Variants in TBC1D28 observed in about 807,000 individuals in gnomAD.
The protein encoded by TBC1D28 is TBC1 domain family member 28.
In TBC1D28, 20 loss-of-function variants were observed where a neutral mutation model predicts 29.2. The ratio of observed to expected loss-of-function variants is 0.68; its 90% CI spans 0.48 to 0.99. The LOEUF (loss-of-function observed/expected upper bound fraction) is 0.99. Among genes scored for constraint, TBC1D28 ranks in the 50% least tolerant of loss-of-function variants. The pLI is 0.00. For synonymous variants in TBC1D28, 65 were observed against 90.9 expected, an observed-to-expected ratio of 0.71 and a Z score of 1.62; for missense variants, 205 against 243.7, an observed-to-expected ratio of 0.84 and a Z score of 1.06.
chr17:18,640,222 A>T, intron 4 of TBC1D28, among the ~76,000 whole-genome samples: 1 of 151,418 alleles, frequency 6.6e-6, no homozygotes, highest in Non-Finnish European at 1.5e-5. Flanking sequence ...AAGTTCCCCC[A>T]CTGAGGGGTC....
downstream of TBC1D28, chr17:18,634,949 G>C (rs1360618775): frequency 6.4e-6 from 1 of 155,508 alleles, no homozygotes; most frequent in African/African-American, 2.4e-5. Flanking sequence ...GCTGCCCAGC[G>C]GGCTCCAGCG....
exon 1 of TBC1D28, chr17:18,642,371 C>T (rs184180835): frequency 0.011 from 1,633 of 152,234 alleles, 12 homozygotes; most frequent in Non-Finnish European, 0.015. Flanking sequence ...TCACCCTCCA[C>T]CCCACCCACA....
rs549808336 is a variant in TBC1D28, at chr17:18,638,759, T to C, written c.199-58A>G. On this transcript the variant is annotated intron_variant, in intron 5 of 8. Coordinates refer to ENST00000345096, the Ensembl canonical transcript of TBC1D28. ...CTGTCAGTCGTCTGACAGTGGCCCG[T>C]GGATGCTGGGTCCAGGGCTTTGGGG... is the stretch of plus-strand genomic sequence containing the variant. 4.3e-5 allele frequency: 69 copies of C among 1,612,152 alleles called. No homozygotes were observed. In the African/African-American group the frequency reaches 6.5e-4, roughly 15 times the overall value.
intron 4 of TBC1D28, 94 bp downstream of exon 5, chr17:18,640,928 G>A: frequency 2.5e-6 from 1 of 406,094 alleles, no homozygotes; most frequent in Non-Finnish European, 4.2e-6. Context: ...GCCCAGCCAG[G>A]GAGACATGTC....
upstream of TBC1D28, among the ~76,000 whole-genome samples, chr17:18,643,765 T>C (rs1168005805): frequency 6.6e-6 from 1 of 152,234 alleles, no homozygotes; most frequent in East Asian, 1.9e-4. Flanking sequence ...GAGGGCTCCC[T>C]ACTCCCAGAC....
At chr17:18,641,353 C>T (rs764992623) in exon 3 of TBC1D28, 2 of 1,613,922 alleles carry the variant, frequency 1.2e-6, no homozygotes, top group South Asian at 1.1e-5. Flanking sequence ...CCATCTCCAT[C>T]CTGCAAGACA....
In TBC1D28 at chr17:18,638,437, A is replaced by C. The variant is rs1193336514; in HGVS notation, c.280-17T>G. The C allele has an allele frequency of 1.2e-6, 2 of 1,613,750 alleles. No homozygotes were observed. On this transcript the variant is annotated splice_polypyrimidine_tract_variant and intron_variant, in intron 6 of 8. Transcript: ENST00000345096. Reference sequence around the variant, plus strand: ...TTGAGACAGCTACAGACAGAAGAACACTCCAGTGAGAAAGGACATGGGGCA... The same window carrying C: ...TTGAGACAGCTACAGACAGAAGAACCCTCCAGTGAGAAAGGACATGGGGCA...
At chr17:18,643,073 C>T (rs2031841279), upstream of TBC1D28, 1 of 152,256 alleles carries the variant, frequency 6.6e-6, no homozygotes, top group African/African-American at 2.4e-5. Context: ...TACATGTGCA[C>T]CCAAGTGCTC....
intron 5 of TBC1D28, 40 bp downstream of exon 6, chr17:18,639,135 C>G (rs764417181): frequency 3.6e-5 from 57 of 1,584,504 alleles, no homozygotes; most frequent in Non-Finnish European, 4.1e-5. Context: ...GATTCCCAGT[C>G]CCTGAAGCAG....
intron 4 of TBC1D28, among the ~76,000 whole-genome samples, chr17:18,640,643 C>A (rs1187061638): frequency 2.3e-5 from 3 of 133,206 alleles, no homozygotes; most frequent in Admixed American, 1.5e-4. Context: ...TGCCCAGAGG[C>A]CAGGCCAGGT....
chr17:18,638,957 A>T, intron 5 of TBC1D28: 2 of 858,076 alleles, frequency 2.3e-6, no homozygotes, highest in Non-Finnish European at 3.6e-6. Flanking sequence ...GTCTTGGTTC[A>T]AACAGGCAGT....
At chr17:18,641,399 C>CAG in intron 2 of TBC1D28, 46 bp from the exon 4 acceptor site, 1 of 1,368,400 alleles carries the variant, frequency 7.3e-7, no homozygotes, top group Non-Finnish European at 1.0e-6. Context: ...CCAAGAGCTC[C>CAG]AGAGAACAGC....
downstream of TBC1D28, among the ~76,000 whole-genome samples, chr17:18,634,383 TCCCA>T (rs2031380461): frequency 6.6e-6 from 1 of 151,808 alleles, no homozygotes; most frequent in African/African-American, 2.4e-5. Context: ...AAAGGAGTCT[TCCCA>T]CCTCTGCACA....
chr17:18,643,230 C>T (rs1024489107), upstream of TBC1D28, among the ~76,000 whole-genome samples: 5 of 152,140 alleles, frequency 3.3e-5, no homozygotes, highest in Non-Finnish European at 7.3e-5. Flanking sequence ...CAGGACAGGG[C>T]CCCTCATTAG....
chr17:18,636,045 A>T (rs2031481607), exon 9 of TBC1D28: 1 of 1,009,524 alleles, frequency 9.9e-7, no homozygotes, highest in Admixed American at 5.4e-5. Flanking sequence ...TCAGCTCAGC[A>T]GCTCTCCCTG....
exon 5 of TBC1D28, chr17:18,639,211 C>T: frequency 6.2e-7 from 1 of 1,611,894 alleles, no homozygotes; most frequent in Non-Finnish European, 8.5e-7. Flanking sequence ...GCAGCTCCAT[C>T]TCACTGTAAG....
At chr17:18,638,127 G>T (rs536008534) in intron 7 of TBC1D28, 154 bp from the exon 9 acceptor site, 7 of 1,392,694 alleles carry the variant, frequency 5.0e-6, no homozygotes, top group Admixed American at 1.9e-5. Flanking sequence ...TGTTTCTGAC[G>T]CCAGGGAGGG....
chr17:18,636,415 G>T, exon 9 of TBC1D28: 1 of 1,602,710 alleles, frequency 6.2e-7, no homozygotes, highest in Non-Finnish European at 8.5e-7. Flanking sequence ...TGCCAGCAGC[G>T]AGCTGAAGTC....
exon 9 of TBC1D28, chr17:18,636,414 C>G: frequency 6.3e-7 from 1 of 1,599,616 alleles, no homozygotes; most frequent in Non-Finnish European, 8.5e-7. Flanking sequence ...CTGCCAGCAG[C>G]GAGCTGAAGT....
Sources: gnomAD v4.1 joint callset for allele counts (sites outside exome capture counted in the v4.1 genomes callset) on GRCh38, gnomAD v4.1.1 for gene constraint, MANE v1.5 for transcripts, NCBI Gene and HGNC (gene_info 2026-07-23, HGNC 2026-07-21) for gene names.